Variants in ESRRG observed in about 807,000 individuals in gnomAD.
ESRRG encodes estrogen-related receptor gamma.
A neutral mutation model predicts 44.0 loss-of-function variants in ESRRG; 13 were observed. That is an observed-to-expected ratio of 0.30 (90% CI 0.19 to 0.47). The LOEUF is 0.47. ESRRG is among the 20% of genes least tolerant of loss of function. ESRRG has a pLI of 1.00. For missense variants in ESRRG, 395 were observed against 580.6 expected (o/e 0.68, Z 3.29); for synonymous variants, 215 against 214.6 (o/e 1.00, Z -0.02).
chr1:216,787,938 G>A (rs1195359024), intron 2 of ESRRG, among the ~76,000 whole-genome samples: 1 of 152,142 alleles, frequency 6.6e-6, no homozygotes, highest in Non-Finnish European at 1.5e-5. Context: ...ATAAGCCAAA[G>A]CCTAATCCAG....
At chr1:217,118,172 T>C (rs768077483) in intron 1 of ESRRG, among the ~76,000 whole-genome samples, 1 of 152,194 alleles carries the variant, frequency 6.6e-6, no homozygotes, top group African/African-American at 2.4e-5. Context: ...TCAGAAACCA[T>C]GAGTAACATA....
chr1:216,616,308 C>T (rs913895447), intron 3 of ESRRG, among the ~76,000 whole-genome samples: 4 of 152,156 alleles, frequency 2.6e-5, no homozygotes, highest in African/African-American at 9.7e-5. Flanking sequence ...AAGATACATG[C>T]TCTACTCTGA....
chr1:217,097,027 C>T (rs2092434782), intron 1 of ESRRG, among the ~76,000 whole-genome samples: 1 of 151,896 alleles, frequency 6.6e-6, no homozygotes, highest in Non-Finnish European at 1.5e-5. Context: ...CCAGCCTGGG[C>T]AACATGGCAA....
At chr1:216,845,265 G>A (rs1156584432) in intron 2 of ESRRG, among the ~76,000 whole-genome samples, 3 of 152,230 alleles carry the variant, frequency 2.0e-5, no homozygotes, top group African/African-American at 7.2e-5. Flanking sequence ...CATGTAGAAG[G>A]AGTACCATAA....
intron 2 of ESRRG, among the ~76,000 whole-genome samples, chr1:216,933,276 T>C (rs2063633378): frequency 6.6e-6 from 1 of 152,172 alleles, no homozygotes; most frequent in Non-Finnish European, 1.5e-5. Context: ...TATTTCTAAA[T>C]GGACTATAAA....
chr1:216,609,582 A>G (rs890532773), intron 3 of ESRRG, among the ~76,000 whole-genome samples: 3 of 152,242 alleles, frequency 2.0e-5, no homozygotes, highest in African/African-American at 4.8e-5. Flanking sequence ...TATCCATTTT[A>G]TGAAAAAATG....
chr1:216,549,330 T>G (rs2055544455), intron 5 of ESRRG, among the ~76,000 whole-genome samples: 1 of 151,884 alleles, frequency 6.6e-6, no homozygotes, highest in Admixed American at 6.6e-5. Flanking sequence ...GAGAAATAGA[T>G]AAGAGAAAAA....
At chr1:216,714,480 G>T in intron 1 of ESRRG, 1 of 471,574 alleles carries the variant, frequency 2.1e-6, no homozygotes, top group Non-Finnish European at 2.8e-6. Flanking sequence ...TATAATGTAA[G>T]CAAAGGAAGA....
intron 5 of ESRRG, among the ~76,000 whole-genome samples, chr1:216,521,390 A>C (rs1269867989): frequency 1.3e-5 from 2 of 152,116 alleles, no homozygotes; most frequent in South Asian, 4.1e-4. Context: ...GTGCAATGCA[A>C]ATCCAAATAT....
chr1:216,654,428 A>G (rs979901108), intron 2 of ESRRG, among the ~76,000 whole-genome samples: 12 of 152,134 alleles, frequency 7.9e-5, no homozygotes, highest in Non-Finnish European at 1.6e-4. Context: ...TCAGAAGCTC[A>G]AGACGAGCCT....
At chr1:217,035,319 C>CAAAAAAAAAAAAAAAAA in intron 1 of ESRRG, among the ~76,000 whole-genome samples, 1 of 75,178 alleles carries the variant, frequency 1.3e-5, no homozygotes, top group Non-Finnish European at 2.4e-5. Flanking sequence ...GACTCTGTCT[C>CAAAAAAAAAAAAAAAAA]AAAAAAAAAA....
intron 3 of ESRRG, among the ~76,000 whole-genome samples, chr1:216,645,545 C>T (rs1408265546): frequency 6.6e-6 from 1 of 151,956 alleles, no homozygotes; most frequent in Non-Finnish European, 1.5e-5. Context: ...AATCACATCA[C>T]AGTATTAGGT....
At chr1:216,971,792 T>G (rs1187639571) in intron 1 of ESRRG, among the ~76,000 whole-genome samples, 1 of 152,060 alleles carries the variant, frequency 6.6e-6, no homozygotes, top group Non-Finnish European at 1.5e-5. Context: ...CATAAAAGAG[T>G]GACACGTCAA....
intron 1 of ESRRG, among the ~76,000 whole-genome samples, chr1:216,679,382 T>G (rs2076643577): frequency 6.6e-6 from 1 of 152,198 alleles, no homozygotes; most frequent in South Asian, 2.1e-4. Flanking sequence ...GGGTCGGCAC[T>G]GACTTACAGC....
chr1:216,911,288 A>G (rs1374677366), intron 2 of ESRRG, among the ~76,000 whole-genome samples: 2 of 152,188 alleles, frequency 1.3e-5, no homozygotes, highest in Non-Finnish European at 2.9e-5. Flanking sequence ...ACTGTTATTC[A>G]GTGCTAAAAA....
chr1:216,973,920 A>G lies in ESRRG; in HGVS notation c.-105-34247T>C, dbSNP rs188646480. 2.8e-3 allele frequency among the ~76,000 whole-genome samples: 422 copies of G among 152,212 alleles called. 1 individual carries two copies. The highest frequency in any genetic ancestry group is 9.7e-3 in the African/African-American group (403 of 41,538). ...CAGCATTCTTGATTCTTAAAAACCC[A>G]TAAGCGTATCCCTGGTTTTTAACAA... On this transcript the variant is annotated intron_variant, in intron 1 of 7. Coordinates refer to the ESRRG transcript ENST00000359162.
intron 2 of ESRRG, among the ~76,000 whole-genome samples, chr1:216,737,871 C>G (rs1193939942): frequency 6.6e-6 from 1 of 151,836 alleles, no homozygotes; most frequent in Non-Finnish European, 1.5e-5. Flanking sequence ...GTGAATGATG[C>G]AAGTATAAGA....
intron 2 of ESRRG, among the ~76,000 whole-genome samples, chr1:216,861,707 A>C (rs1034733940): frequency 6.6e-6 from 1 of 152,170 alleles, no homozygotes. Context: ...ACTTCATAAA[A>C]ATTAAAAATG....
chr1:216,976,862 T>C (rs1167616875), intron 1 of ESRRG, among the ~76,000 whole-genome samples: 2 of 152,148 alleles, frequency 1.3e-5, no homozygotes, highest in Non-Finnish European at 2.9e-5. Context: ...TTGTATTCCA[T>C]ATCCAGCCTA....
Sources: gnomAD v4.1 joint callset for allele counts (sites outside exome capture counted in the v4.1 genomes callset) on GRCh38, gnomAD v4.1.1 for gene constraint, MANE v1.5 for transcripts, NCBI Gene and HGNC (gene_info 2026-07-23, HGNC 2026-07-21) for gene names.